The following DNAH11 variants were observed in gnomAD, a reference collection of about 807,000 sequenced individuals.
The protein encoded by DNAH11 is axonemal beta dynein heavy chain 11.
A neutral mutation model predicts 526.0 loss-of-function variants in DNAH11; 442 were observed. The observed-to-expected ratio is 0.84, with a 90% CI of 0.78 to 0.91. The LOEUF is 0.91. Among genes scored for constraint, DNAH11 ranks in the 40% least tolerant of loss-of-function variants. DNAH11 has a pLI of 0.00. For synonymous variants in DNAH11, 2,461 were observed against 1,935.9 expected, an observed-to-expected ratio of 1.27 and a Z score of -7.12; for missense variants, 6,989 against 5,448.7, an observed-to-expected ratio of 1.28 and a Z score of -8.90.
chr7:21,560,389 A>T (rs1194738806), intron 4 of DNAH11, among the ~76,000 whole-genome samples: 2 of 152,206 alleles, frequency 1.3e-5, no homozygotes, highest in Non-Finnish European at 2.9e-5. Context: ...GTAAAATTCT[A>T]CAATAGGCTG....
Position 21,866,452 on chromosome 7 carries a change from T to C in DNAH11, c.11497-18T>C. 1.3e-6 allele frequency: 2 copies of C among 1,598,176 alleles called. No individual in the cohort carries two copies. The highest frequency in any genetic ancestry group is 1.7e-6 in the Non-Finnish European group (2 of 1,173,396). ...TATCGTTCACACCATTCCTACTTGT[T>C]TCCCTATCATATTACAGGCAATTGC... On this transcript the variant is annotated intron_variant, in intron 70 of 81. Coordinates refer to ENST00000409508, the MANE Select transcript of DNAH11 (RefSeq NM_001277115.2).
chr7:21,852,598 A>T lies in DNAH11; in HGVS notation c.11028A>T (p.Ala3676=), dbSNP rs1444024134. ...DDTKLVERLE[A]TKTTVAEIEH... is the part of the protein sequence containing the mutation. Reference sequence around the variant, plus strand: ...CCAAACTGGTAGAGAGATTGGAGGCAACAAAGACCACCGTGGCAGAGATAG... The same window carrying T: ...CCAAACTGGTAGAGAGATTGGAGGCTACAAAGACCACCGTGGCAGAGATAG... The change falls in exon 67 of 82, where the codon GCA becomes GCT. Residue 3676 remains alanine (A), a synonymous_variant. Transcript: ENST00000409508. 1 of 1,604,460 alleles carries T rather than the reference A, an allele frequency of 6.2e-7. No homozygotes were observed. Among genetic ancestry groups the T allele is most frequent in the Non-Finnish European group, 8.5e-7 (1 of 1,176,748 alleles).
intron 6 of DNAH11, among the ~76,000 whole-genome samples, chr7:21,566,411 A>G (rs1356330768): frequency 6.6e-6 from 1 of 152,180 alleles, no homozygotes; most frequent in African/African-American, 2.4e-5. Context: ...CAATTAGCCA[A>G]TGTCCATAGC....
chr7:21,872,169 T>C (rs1783528707), intron 73 of DNAH11, among the ~76,000 whole-genome samples: 1 of 137,458 alleles, frequency 7.3e-6, no homozygotes. Context: ...TGACCACATT[T>C]AGCTTCAATT....
intron 2 of DNAH11, among the ~76,000 whole-genome samples, chr7:21,553,391 C>G (rs1379458742): frequency 6.6e-6 from 1 of 152,144 alleles, no homozygotes; most frequent in African/African-American, 2.4e-5. Flanking sequence ...AAATCCCTCC[C>G]CTTTTACCCG....
intron 34 of DNAH11, among the ~76,000 whole-genome samples, chr7:21,689,661 A>C (rs959579684): frequency 6.6e-6 from 1 of 152,198 alleles, no homozygotes; most frequent in Non-Finnish European, 1.5e-5. Flanking sequence ...CATTCTGGGA[A>C]ATGAAGTTTT....
chr7:21,599,484 T>C (rs1465076295), intron 14 of DNAH11, among the ~76,000 whole-genome samples: 2 of 152,218 alleles, frequency 1.3e-5, no homozygotes, highest in African/African-American at 4.8e-5. Context: ...AGAGCCCAGG[T>C]CCAAAATGTC....
At position 21,600,122 on chromosome 7, in the gene DNAH11, A is replaced by G. The variant is rs781625159; in HGVS notation, c.3000+3A>G. The G allele has an allele frequency of 1.3e-6, 2 of 1,539,762 alleles. No individual in the cohort carries two copies. Among genetic ancestry groups the G allele is most frequent in the South Asian group, 2.6e-5 (2 of 77,128 alleles). ...ACCTGGAAATTAAAAATTATCAGGT[A>G]TTTTCTTAGTAAATGGGTATTTAGC... On this transcript the variant is annotated splice_donor_region_variant and intron_variant, in intron 15 of 81. Transcript: ENST00000409508.
At chr7:21,789,211 TTGTATC>T (rs1195144606) in intron 60 of DNAH11, 24 bp from the exon 61 acceptor site, 45 of 1,452,288 alleles carry the variant, frequency 3.1e-5, no homozygotes, top group Non-Finnish European at 4.3e-5. Flanking sequence ...CTTATCCTCT[TTGTATC>T]TGTATTAATT....
Position 21,901,394 on chromosome 7 carries a change from G to GAAAGTC in DNAH11, c.*142_*147dup. 1 of 1,208,798 alleles carries GAAAGTC rather than the reference G, an allele frequency of 8.3e-7. No homozygotes were observed. Among genetic ancestry groups the GAAAGTC allele is most frequent in the South Asian group, 2.5e-5 (1 of 39,878 alleles). The allele number at this position is 1,208,798 out of a possible 1,614,324, so 74.9% of individuals were successfully genotyped here. On this transcript the variant is annotated 3_prime_UTR_variant, in exon 82 of 82. Coordinates refer to ENST00000409508, the MANE Select transcript of DNAH11 (RefSeq NM_001277115.2). The stretch of plus-strand genomic sequence containing the variant: ...CTTTTTTCAACGCTATCCTTAGAGT[G>GAAAGTC]AAAGTCAGAAAAAAATACTAGAAAC...
intron 1 of DNAH11, among the ~76,000 whole-genome samples, 186 bp from the exon 2 acceptor site, chr7:21,544,820 A>G (rs1317518740): frequency 6.6e-6 from 1 of 152,208 alleles, no homozygotes; most frequent in Admixed American, 6.5e-5. Flanking sequence ...TAGCATTATA[A>G]AAGAACAAAG....
At position 21,854,306 on chromosome 7, in the gene DNAH11, C is replaced by A. The variant is rs1782747937; in HGVS notation, c.11062-9C>A. The stretch of plus-strand genomic sequence containing the variant: ...AATAAGTTACTTATTTTGTTTGATC[C>A]CACCATAGGTGATTGAAGCCAAAGA... On this transcript the variant is annotated splice_polypyrimidine_tract_variant and intron_variant, in intron 67 of 81. Coordinates refer to ENST00000409508, the MANE Select transcript of DNAH11 (RefSeq NM_001277115.2). 4 of 1,610,676 alleles carry A rather than the reference C, an allele frequency of 2.5e-6. No individual in the cohort carries two copies. Among genetic ancestry groups the A allele is most frequent in the Non-Finnish European group, 2.5e-6 (3 of 1,178,764 alleles).
At chr7:21,661,147 A>G (rs765257821) in intron 30 of DNAH11, among the ~76,000 whole-genome samples, 6 of 152,054 alleles carry the variant, frequency 3.9e-5, no homozygotes, top group Non-Finnish European at 8.8e-5. Context: ...TCCACTCCCC[A>G]TCTTACATGT....
chr7:21,880,751 T>C lies in DNAH11; in HGVS notation c.12245T>C (p.Phe4082Ser). ...GAGCAGGAGTTTAAAAGCATCCTTT[T>C]TTCTCTCTGCTACTTCCACGCCTGT... Reference protein sequence around the residue: ...SKEQEFKSILFSLCYFHACVA... With the variant: ...SKEQEFKSILSSLCYFHACVA... Residue 4082 changes from phenylalanine (F) to serine (S), a missense_variant, in exon 75 of 82, where the codon TTT (phenylalanine) becomes TCT (serine). By Grantham distance (155) the Phe-to-Ser change is radical. Coordinates refer to ENST00000409508, the MANE Select transcript of DNAH11 (RefSeq NM_001277115.2). The C allele has an allele frequency of 6.2e-7, 1 of 1,614,012 alleles. No individual in the cohort carries two copies. The highest frequency in any genetic ancestry group is 8.5e-7 in the Non-Finnish European group (1 of 1,179,902).
chr7:21,878,493 C>G (rs968414854), intron 74 of DNAH11, among the ~76,000 whole-genome samples: 1 of 151,938 alleles, frequency 6.6e-6, no homozygotes, highest in Non-Finnish European at 1.5e-5. Context: ...TTTTTTATAC[C>G]CTTCAAGGTT....
At chr7:21,709,655 T>A (rs1351566559) in intron 40 of DNAH11, among the ~76,000 whole-genome samples, 1 of 152,190 alleles carries the variant, frequency 6.6e-6, no homozygotes, top group Non-Finnish European at 1.5e-5. Context: ...TTGTGTACAC[T>A]CCTTTTTCTG....
chr7:21,861,942 C>T lies in DNAH11; in HGVS notation c.11292C>T (p.Ile3764=). 2 of 1,613,648 alleles carry T rather than the reference C, an allele frequency of 1.2e-6. No homozygotes were observed. Among genetic ancestry groups the T allele is most frequent in the Non-Finnish European group, 1.7e-6 (2 of 1,179,774 alleles). The change falls in exon 69 of 82, where the codon ATC becomes ATT. Residue 3764 remains isoleucine, a synonymous_variant. Transcript: ENST00000409508. Reference sequence around the variant, plus strand: ...GCATCTCTATCCTGATGGAGAGCATCACCCATGCTGTCTTCCTCTACACCA... The same window carrying T: ...GCATCTCTATCCTGATGGAGAGCATTACCCATGCTGTCTTCCTCTACACCA... ...QGRISILMES[I]THAVFLYTSQ...
intron 56 of DNAH11, among the ~76,000 whole-genome samples, chr7:21,774,353 G>C (rs1414574473): frequency 6.6e-6 from 1 of 151,976 alleles, no homozygotes; most frequent in East Asian, 1.9e-4. Context: ...ATCTTTTTTG[G>C]TCTCAGATTC....
intron 14 of DNAH11, among the ~76,000 whole-genome samples, chr7:21,597,749 G>T (rs908861628): frequency 3.9e-5 from 6 of 152,148 alleles, no homozygotes; most frequent in Non-Finnish European, 8.8e-5. Context: ...GTTTAGATTT[G>T]GGTGAGGACA....
Sources: gnomAD v4.1 joint callset for allele counts (sites outside exome capture counted in the v4.1 genomes callset) on GRCh38, gnomAD v4.1.1 for gene constraint, MANE v1.5 for transcripts, NCBI Gene and HGNC (gene_info 2026-07-23, HGNC 2026-07-21) for gene names.